Variants in FCRL2 observed in about 807,000 individuals in gnomAD.
FCRL2 encodes the protein Fc receptor like 2, also known as Fc receptor-like protein 2.
A neutral mutation model predicts 59.8 loss-of-function variants in FCRL2; 48 were observed. The ratio of observed to expected loss-of-function variants is 0.80; its 90% CI spans 0.64 to 1.02. FCRL2 has a LOEUF of 1.02. FCRL2 is among the 50% of genes least tolerant of loss of function. The pLI is 0.00. For synonymous variants in FCRL2, 251 were observed against 229.5 expected (o/e 1.09, Z -0.85); for missense variants, 658 against 597.3 (o/e 1.10, Z -1.06).
At chr1:157,760,732 AAAGAAAGAAAG>A (rs1649007440) in intron 7 of FCRL2, among the ~76,000 whole-genome samples, 1 of 149,812 alleles carries the variant, frequency 6.7e-6, no homozygotes, top group Non-Finnish European at 1.5e-5. Flanking sequence ...AGAAAGAAAG[AAAGAAAGAAAG>A]AAAGAAAGAA....
At chr1:157,764,371 T>C (rs1230378550) in intron 7 of FCRL2, among the ~76,000 whole-genome samples, 1 of 152,166 alleles carries the variant, frequency 6.6e-6, no homozygotes, top group Non-Finnish European at 1.5e-5. Context: ...GATACAATAA[T>C]AGTGGGGTAA....
intron 2 of FCRL2, among the ~76,000 whole-genome samples, chr1:157,771,775 G>T (rs2101759099): frequency 6.6e-6 from 1 of 152,168 alleles, no homozygotes; most frequent in African/African-American, 2.4e-5. Flanking sequence ...AAGGAATTAA[G>T]TTATATCTCA....
At chr1:157,758,998 C>T (rs1456203866) in intron 7 of FCRL2, among the ~76,000 whole-genome samples, 1 of 152,224 alleles carries the variant, frequency 6.6e-6, no homozygotes, top group Non-Finnish European at 1.5e-5. Flanking sequence ...GCTGTGTCCT[C>T]ACCCAAATCT....
intron 7 of FCRL2, among the ~76,000 whole-genome samples, chr1:157,752,497 C>T (rs1648268667): frequency 6.6e-6 from 1 of 152,138 alleles, no homozygotes; most frequent in Non-Finnish European, 1.5e-5. Context: ...TTATTAGCAG[C>T]ATGAAAACCG....
At chr1:157,747,307 T>A (rs1433681571) in intron 10 of FCRL2, among the ~76,000 whole-genome samples, 2 of 148,752 alleles carry the variant, frequency 1.3e-5, no homozygotes, top group Non-Finnish European at 2.9e-5. Context: ...GAAGACAGAC[T>A]CTGAATCACA....
rs558852569 is a variant in FCRL2 at position 157,755,420 on chromosome 1, G to A, written c.1280-5743C>T. On this transcript the variant is annotated intron_variant, in intron 7 of 11. Coordinates refer to ENST00000361516, the MANE Select transcript of FCRL2 (RefSeq NM_030764.4). ...AAGCATGTTTATGACATGTCCTTAC[G>A]GGAGTATAATTTTGTACAACTATGA... Among the ~76,000 whole-genome samples, 147 of 152,218 alleles carry A rather than the reference G, an allele frequency of 9.7e-4. 2 individuals are homozygous for A. In the South Asian group the frequency reaches 0.027, roughly 28 times the overall value.
At chr1:157,753,161 TG>T (rs1314073179) in intron 7 of FCRL2, among the ~76,000 whole-genome samples, 3 of 152,168 alleles carry the variant, frequency 2.0e-5, no homozygotes, top group Admixed American at 2.0e-4. Flanking sequence ...GCCGTGTGTG[TG>T]GGGTTTTTCT....
chr1:157,753,431 T>C (rs915022076), intron 7 of FCRL2, among the ~76,000 whole-genome samples: 2 of 152,256 alleles, frequency 1.3e-5, no homozygotes, highest in Non-Finnish European at 2.9e-5. Context: ...CAGTTACTTT[T>C]ACTGGTTTAT....
At chr1:157,763,834 T>C (rs1054898774) in intron 7 of FCRL2, among the ~76,000 whole-genome samples, 1 of 151,534 alleles carries the variant, frequency 6.6e-6, no homozygotes, top group Non-Finnish European at 1.5e-5. Context: ...ACAGAGAACA[T>C]CCTGGCCAAC....
chr1:157,765,264 T>A (rs1557863515), intron 7 of FCRL2, among the ~76,000 whole-genome samples: 1 of 152,124 alleles, frequency 6.6e-6, no homozygotes, highest in South Asian at 2.1e-4. Context: ...AAAACCTGAA[T>A]AAACCAATAA....
intron 7 of FCRL2, among the ~76,000 whole-genome samples, chr1:157,751,871 A>G (rs926352781): frequency 6.6e-6 from 1 of 151,566 alleles, no homozygotes; most frequent in African/African-American, 2.4e-5. Context: ...CACACCCCCA[A>G]AATAGGAGCT....
intron 5 of FCRL2, 153 bp downstream of exon 5, chr1:157,768,261 G>A (rs2101740075): frequency 6.0e-6 from 4 of 661,834 alleles, no homozygotes; most frequent in Non-Finnish European, 1.0e-5. Flanking sequence ...AAACAGGTCA[G>A]CAGTCTAACC....
intron 7 of FCRL2, 130 bp from the exon 8 acceptor site, chr1:157,749,807 A>T (rs1294375715): frequency 3.2e-5 from 18 of 558,858 alleles, no homozygotes; most frequent in Non-Finnish European, 5.4e-5. Context: ...ATTGTATTTC[A>T]TCTAAATGGC....
At position 157,766,975 on chromosome 1, in the gene FCRL2, A is replaced by T; in HGVS notation, c.1163-4T>A. On this transcript the variant is annotated splice_polypyrimidine_tract_variant and splice_region_variant and intron_variant, in intron 6 of 11. Coordinates refer to ENST00000361516, the MANE Select transcript of FCRL2 (RefSeq NM_030764.4). ...TCTCTTCTATAGCCATCAGGTCCTG[A>T]GGAAAGAAAGCAGTGCTTCAGCCCC... 6.2e-7 allele frequency: 1 copy of T among 1,610,656 alleles called. No individual in the cohort carries two copies. Among genetic ancestry groups the T allele is most frequent in the South Asian group, 1.1e-5 (1 of 90,204 alleles).
chr1:157,770,334 C>G, intron 3 of FCRL2, 75 bp downstream of exon 3: 1 of 1,540,908 alleles, frequency 6.5e-7, no homozygotes, highest in Non-Finnish European at 8.8e-7. Context: ...GAGCAGCTTT[C>G]CCCTACCCAG....
At position 157,768,571 on chromosome 1, in the gene FCRL2, C is replaced by T. The variant is rs750076366; in HGVS notation, c.726G>A (p.Glu242=). Reference sequence around the variant, plus strand: ...TCTTTCCCATACTGGTTCCTGTGGCCTCTCTGTACCAGGAGAATGTGACAT... The same window carrying T: ...TCTTTCCCATACTGGTTCCTGTGGCTTCTCTGTACCAGGAGAATGTGACAT... ...TGNVTFSWYR[E]ATGTSMGKKT... Residue 242 remains glutamate (E), a synonymous_variant, in exon 5 of 12, where the codon GAG becomes GAA. Coordinates refer to ENST00000361516, the MANE Select transcript of FCRL2 (RefSeq NM_030764.4). 6.2e-7 allele frequency: 1 copy of T among 1,614,210 alleles called. No individual in the cohort carries two copies. Among genetic ancestry groups the T allele is most frequent in the Non-Finnish European group, 8.5e-7 (1 of 1,180,046 alleles).
At chr1:157,770,841 G>A (rs1047447314) in intron 2 of FCRL2, among the ~76,000 whole-genome samples, 175 bp from the exon 3 acceptor site, 1 of 152,198 alleles carries the variant, frequency 6.6e-6, no homozygotes, top group African/African-American at 2.4e-5. Flanking sequence ...GGATATCTTA[G>A]CTTGTGCTGC....
chr1:157,775,943 A>T (rs2101777451), intron 1 of FCRL2, 148 bp from the exon 2 acceptor site: 2 of 875,146 alleles, frequency 2.3e-6, no homozygotes, highest in South Asian at 1.9e-5. Flanking sequence ...TAACAATTCA[A>T]TCTCCCTCGA....
At chr1:157,749,759 A>G (rs1571249240) in intron 7 of FCRL2, 82 bp from the exon 8 acceptor site, 1 of 1,047,276 alleles carries the variant, frequency 9.5e-7, no homozygotes, top group Non-Finnish European at 1.5e-6. Flanking sequence ...ACTACGTATA[A>G]TCAGCTGGTA....
Sources: gnomAD v4.1 joint callset for allele counts (sites outside exome capture counted in the v4.1 genomes callset) on GRCh38, gnomAD v4.1.1 for gene constraint, MANE v1.5 for transcripts, NCBI Gene and HGNC (gene_info 2026-07-23, HGNC 2026-07-21) for gene names.